The following GGA1 variants were observed in gnomAD, a reference collection of about 807,000 sequenced individuals.
GGA1 encodes golgi associated, gamma adaptin ear containing, ARF binding protein 1.
In GGA1, 18 loss-of-function variants were observed where a neutral mutation model predicts 76.9. That is an observed-to-expected ratio of 0.23 (90% CI 0.16 to 0.35). The LOEUF (loss-of-function observed/expected upper bound fraction) is 0.35, where lower values mean the gene tolerates loss of function less well. Ranked by LOEUF, GGA1 falls within the 10% of genes least tolerant of loss-of-function variation. The pLI, the probability that GGA1 is intolerant of heterozygous loss-of-function variation, is 1.00. For missense variants in GGA1, 755 were observed against 859.0 expected (o/e 0.88, Z 1.51); for synonymous variants, 342 against 354.7 (o/e 0.96, Z 0.40).
chr22:37,612,012 G>A (rs1194397335), intron 1 of GGA1, among the ~76,000 whole-genome samples: 1 of 151,928 alleles, frequency 6.6e-6, no homozygotes, highest in Non-Finnish European at 1.5e-5. Flanking sequence ...AAATTAGCTG[G>A]GCATGGTGGT....
At chr22:37,610,662 G>A (rs1601489835) in intron 1 of GGA1, 2 of 152,220 alleles carry the variant, frequency 1.3e-5, no homozygotes, top group East Asian at 1.9e-4. Flanking sequence ...CAAAGTGTTG[G>A]GATTACAGGC....
intron 11 of GGA1, among the ~76,000 whole-genome samples, chr22:37,628,420 A>G (rs1408489890): frequency 2.6e-5 from 4 of 152,192 alleles, no homozygotes; most frequent in Admixed American, 2.0e-4. Context: ...GCCAAGTGGC[A>G]GAGTTGTGTT....
chr22:37,620,482 T>C, intron 5 of GGA1, 121 bp downstream of exon 5: 2 of 1,067,986 alleles, frequency 1.9e-6, no homozygotes. Flanking sequence ...GTCCTTTAAC[T>C]TCTGGAGAAA....
chr22:37,620,158 CAGT>C (rs893980099), intron 4 of GGA1, 77 bp from the exon 5 acceptor site: 3 of 1,518,570 alleles, frequency 2.0e-6, no homozygotes, highest in Non-Finnish European at 2.7e-6. Flanking sequence ...CCTGGGGAGG[CAGT>C]AGGGTGTGGA....
intron 2 of GGA1, among the ~76,000 whole-genome samples, chr22:37,614,940 C>T (rs1928466847): frequency 6.6e-6 from 1 of 152,040 alleles, no homozygotes. Flanking sequence ...GATTGCGCCA[C>T]TGCCCTGCAG....
intron 6 of GGA1, 75 bp downstream of exon 6, chr22:37,620,988 C>A: frequency 1.2e-6 from 1 of 868,106 alleles, no homozygotes; most frequent in Non-Finnish European, 2.0e-6. Flanking sequence ...TCTAGCTGCC[C>A]TGGCATCAGC....
intron 6 of GGA1, among the ~76,000 whole-genome samples, chr22:37,621,138 AGTTT>A (rs1356782810): frequency 2.0e-5 from 3 of 152,132 alleles, no homozygotes; most frequent in South Asian, 2.1e-4. Context: ...GTGTCCCTGG[AGTTT>A]GTTTGAGGGT....
chr22:37,625,729 C>A lies in GGA1; in HGVS notation c.941-68C>A. The A allele has an allele frequency of 1.5e-6, 2 of 1,294,762 alleles. No individual in the cohort carries two copies. The highest frequency in any genetic ancestry group is 2.1e-6 in the Non-Finnish European group (2 of 963,206). The allele number at this position is 1,294,762 out of a possible 1,614,324, so 80.2% of individuals were successfully genotyped here. A position where few individuals can be genotyped will look rare whatever the true frequency, so the allele number is the denominator to read the frequency against. On this transcript the variant is annotated intron_variant, in intron 10 of 16. Transcript: ENST00000343632. This position sits in a 1 kb window ranked among gnomAD's most constrained non-coding sequence, Gnocchi z 4.1. ...TCGGGGGTTAGGTGTTGCTCCCCCGCAACCCCTGTGGACTCTGAGAGACAC... is the reference window on the plus strand; with the variant it reads ...TCGGGGGTTAGGTGTTGCTCCCCCGAAACCCCTGTGGACTCTGAGAGACAC...
intron 11 of GGA1, among the ~76,000 whole-genome samples, chr22:37,628,911 A>G (rs1296268052): frequency 1.3e-5 from 2 of 152,192 alleles, no homozygotes; most frequent in Non-Finnish European, 2.9e-5. Context: ...AGGGATCCCC[A>G]GCCCTCCATA....
intron 1 of GGA1, 63 bp downstream of exon 1, chr22:37,608,966 C>T (rs1354291251): frequency 1.5e-6 from 2 of 1,336,864 alleles, no homozygotes; most frequent in African/African-American, 1.5e-5. Context: ...AGGCGGGCCC[C>T]TTCCCGGCGG....
rs201931805 is a variant in GGA1 at position 37,623,315 on chromosome 22, A to G, written c.610-12A>G. 8.3e-4 allele frequency: 1,336 copies of G among 1,613,690 alleles called. 21 individuals carry two copies. Among genetic ancestry groups the G allele is most frequent in the Middle Eastern group, 1.6e-4 (1 of 6,084 alleles). On this transcript the variant is annotated splice_polypyrimidine_tract_variant and intron_variant, in intron 7 of 16. Coordinates refer to ENST00000343632, the MANE Select transcript of GGA1 (RefSeq NM_013365.5). This position sits in a 1 kb window ranked among gnomAD's most constrained non-coding sequence, Gnocchi z 4.6. Reference sequence around the variant, plus strand: ...AAAGGTTCTCAGGGGCCCTTGGCCAATGTGTCCCCAGGACCAGAAGCGGAT... The same window carrying G: ...AAAGGTTCTCAGGGGCCCTTGGCCAGTGTGTCCCCAGGACCAGAAGCGGAT...
chr22:37,617,323 T>G, intron 3 of GGA1: 1 of 1,234,414 alleles, frequency 8.1e-7, no homozygotes. Flanking sequence ...CACCCAGACC[T>G]GCCGAGGCCA....
chr22:37,622,502 C>T (rs917860795), intron 7 of GGA1, among the ~76,000 whole-genome samples: 4 of 151,782 alleles, frequency 2.6e-5, no homozygotes, highest in African/African-American at 4.8e-5. Context: ...ACTGCAGCCT[C>T]GACCTCCTGG....
chr22:37,610,914 CAG>C (rs567486674), intron 1 of GGA1, among the ~76,000 whole-genome samples: 35 of 152,334 alleles, frequency 2.3e-4, no homozygotes, highest in Admixed American at 2.0e-3. Flanking sequence ...CAGCCAGAGG[CAG>C]GGGGAGAAAG....
In GGA1 at chr22:37,625,730, A is replaced by G; in HGVS notation, c.941-67A>G. ...CGGGGGTTAGGTGTTGCTCCCCCGCAACCCCTGTGGACTCTGAGAGACACG... is the reference window on the plus strand; with the variant it reads ...CGGGGGTTAGGTGTTGCTCCCCCGCGACCCCTGTGGACTCTGAGAGACACG... On this transcript the variant is annotated intron_variant, in intron 10 of 16. Coordinates refer to ENST00000343632, the MANE Select transcript of GGA1 (RefSeq NM_013365.5). This position sits in a 1 kb window ranked among gnomAD's most constrained non-coding sequence, Gnocchi z 4.1. The G allele has an allele frequency of 1.5e-6, 2 of 1,298,266 alleles. No individual in the cohort carries two copies. The highest frequency in any genetic ancestry group is 2.1e-6 in the Non-Finnish European group (2 of 966,296). The allele number at this position is 1,298,266 out of a possible 1,614,324, so 80.4% of individuals were successfully genotyped here. A position where few individuals can be genotyped will look rare whatever the true frequency, so the allele number is the denominator to read the frequency against.
rs931767618 is a variant in GGA1, at chr22:37,616,005, T to C, written c.129-917T>C. Reference sequence around the variant, plus strand: ...ACAGGCGCCTGCCACCACACCCGGCTAATTTTTTTGTATTTTTTAGTAGAG... The same window carrying C: ...ACAGGCGCCTGCCACCACACCCGGCCAATTTTTTTGTATTTTTTAGTAGAG... On this transcript the variant is annotated intron_variant, in intron 2 of 16. Coordinates refer to ENST00000343632, the MANE Select transcript of GGA1 (RefSeq NM_013365.5). Among the ~76,000 whole-genome samples, 50 of 152,002 alleles carry C rather than the reference T, an allele frequency of 3.3e-4. 1 individual carries two copies. The highest frequency in any genetic ancestry group is 1.2e-3 in the African/African-American group (50 of 41,490).
chr22:37,618,186 G>A, intron 3 of GGA1: 1 of 395,510 alleles, frequency 2.5e-6, no homozygotes, highest in Non-Finnish European at 4.5e-6. Context: ...CAGATGTGGG[G>A]CCTAAGCTAT....
Position 37,625,201 on chromosome 22 carries a change from TG to T in GGA1, c.940+129del. 1 of 818,166 alleles carries T rather than the reference TG, an allele frequency of 1.2e-6. No homozygotes were observed. Among genetic ancestry groups the T allele is most frequent in the Admixed American group, 2.3e-5 (1 of 43,794 alleles). 50.7% of individuals were successfully genotyped at this position (818,166 alleles called of 1,614,324 possible). A position where few individuals can be genotyped will look rare whatever the true frequency, so the allele number is the denominator to read the frequency against. On this transcript the variant is annotated intron_variant, in intron 10 of 16. Coordinates refer to ENST00000343632, the MANE Select transcript of GGA1 (RefSeq NM_013365.5). This position sits in a 1 kb window ranked among gnomAD's most constrained non-coding sequence, Gnocchi z 4.1. Reference sequence around the variant, plus strand: ...CCAGGGTGACCCTGGCCCCTTAAGATGGGGAAGGCCCCAGGGAGGGAGCTGG... The same window carrying T: ...CCAGGGTGACCCTGGCCCCTTAAGATGGGAAGGCCCCAGGGAGGGAGCTGG...
In GGA1 at chr22:37,633,213, C is replaced by T. The variant is rs1357051053; in HGVS notation, c.*502C>T. 1.3e-5 allele frequency: 2 copies of T among 155,696 alleles called. No individual in the cohort carries two copies. Among genetic ancestry groups the T allele is most frequent in the African/African-American group, 4.8e-5 (2 of 41,496 alleles). The allele number at this position is 155,696 out of a possible 1,614,324, so 9.6% of individuals were successfully genotyped here. On this transcript the variant is annotated 3_prime_UTR_variant, in exon 17 of 17. Coordinates refer to ENST00000343632, the MANE Select transcript of GGA1 (RefSeq NM_013365.5). The stretch of plus-strand genomic sequence containing the variant: ...ACGCCTACACCCCCAGCTATTTGCA[C>T]TCTGGTGTGTGGTTTGACTCTGCTT...
Sources: gnomAD v4.1 joint callset for allele counts (sites outside exome capture counted in the v4.1 genomes callset) on GRCh38, gnomAD v4.1.1 for gene constraint, Gnocchi (gnomAD v3.1) non-coding constraint, MANE v1.5 for transcripts, NCBI Gene and HGNC (gene_info 2026-07-23, HGNC 2026-07-21) for gene names.